Variants in FIP1L1 observed in about 807,000 individuals in gnomAD.
The protein encoded by FIP1L1 is pre-mRNA 3'-end-processing factor FIP1.
Under a neutral mutation model 84.6 loss-of-function variants are expected in FIP1L1, and 21 were observed. The ratio of observed to expected loss-of-function variants is 0.25; its 90% CI spans 0.18 to 0.36. The LOEUF is 0.36. Among genes scored for constraint, FIP1L1 ranks in the 10% least tolerant of loss-of-function variants. The pLI is 1.00. For synonymous variants in FIP1L1, 263 were observed against 242.3 expected, an observed-to-expected ratio of 1.09 and a Z score of -0.80; for missense variants, 526 against 751.1, an observed-to-expected ratio of 0.70 and a Z score of 3.50.
Position 53,389,842 on chromosome 4 carries a change from C to T in FIP1L1, c.366C>T (p.Ile122=), listed in dbSNP as rs1444371436. ...SYGTAPVNLN[I]KTGGRVYGTT... ...GTACAGCACCTGTAAATCTTAACAT[C>T]AAGACAGGGGGAAGAGTTTATGGAA... Residue 122 remains isoleucine (I), a synonymous_variant, in exon 6 of 18, where the codon ATC becomes ATT. Coordinates refer to ENST00000337488, the MANE Select transcript of FIP1L1 (RefSeq NM_030917.4). 1 of 1,600,290 alleles carries T rather than the reference C, an allele frequency of 6.2e-7. No individual in the cohort carries two copies. The highest frequency in any genetic ancestry group is 1.4e-5 in the African/African-American group (1 of 73,612).
At chr4:53,452,287 C>T (rs534873334) in intron 15 of FIP1L1, among the ~76,000 whole-genome samples, 2 of 151,456 alleles carry the variant, frequency 1.3e-5, no homozygotes, top group Non-Finnish European at 2.9e-5. Context: ...TTGTTGAGTA[C>T]ACTTTTCTAG....
At chr4:53,430,907 C>T (rs1218205164) in intron 13 of FIP1L1, among the ~76,000 whole-genome samples, 8 of 152,182 alleles carry the variant, frequency 5.3e-5, no homozygotes, top group African/African-American at 1.7e-4. Flanking sequence ...CAGTACCTAA[C>T]TGGTATATGT....
At chr4:53,443,883 A>T (rs1322570817) in intron 14 of FIP1L1, among the ~76,000 whole-genome samples, 165 bp from the exon 15 acceptor site, 2 of 149,962 alleles carry the variant, frequency 1.3e-5, no homozygotes, top group East Asian at 3.9e-4. Flanking sequence ...TTTTTAGGTT[A>T]AAAAAAACCC....
intron 10 of FIP1L1, among the ~76,000 whole-genome samples, chr4:53,407,938 CTCTT>C (rs1364506932): frequency 6.6e-6 from 1 of 152,176 alleles, no homozygotes; most frequent in Non-Finnish European, 1.5e-5. Flanking sequence ...TGGGTCTTGA[CTCTT>C]TATCCAATTT....
intron 14 of FIP1L1, among the ~76,000 whole-genome samples, chr4:53,443,165 A>G (rs1380780251): frequency 6.6e-6 from 1 of 152,270 alleles, no homozygotes; most frequent in Middle Eastern, 3.4e-3. Context: ...TCTGTGTGGC[A>G]GTAGCCTTAT....
chr4:53,417,759 ACACACTCTCTCTCT>A (rs1207205465), intron 11 of FIP1L1, among the ~76,000 whole-genome samples: 72 of 54,148 alleles, frequency 1.3e-3, no homozygotes, highest in Middle Eastern at 8.8e-3. Flanking sequence ...ACACACACAC[ACACACTCTCTCTCT>A]CTCTCTCTCT....
At chr4:53,407,052 T>C (rs955144965) in intron 10 of FIP1L1, among the ~76,000 whole-genome samples, 6 of 152,190 alleles carry the variant, frequency 3.9e-5, no homozygotes, top group South Asian at 4.1e-4. Flanking sequence ...CTTCTGCTAG[T>C]TTTTGAATGT....
chr4:53,384,028 T>A, intron 5 of FIP1L1, 152 bp downstream of exon 5: 1 of 715,858 alleles, frequency 1.4e-6, no homozygotes, highest in Non-Finnish European at 2.2e-6. Flanking sequence ...TGAATATACT[T>A]CTTTGCTAAA....
In FIP1L1 at chr4:53,414,497, C is replaced by T. The variant is rs945851620; in HGVS notation, c.816-118C>T. ...TAGTTTATATGACTTGAGAATGATA[C>T]TGTAGGAACATACTAAAAGACTTTA... On this transcript the variant is annotated intron_variant, in intron 10 of 17. Coordinates refer to ENST00000337488, the MANE Select transcript of FIP1L1 (RefSeq NM_030917.4). The T allele has an allele frequency of 8.2e-6, 5 of 610,436 alleles. No individual in the cohort carries two copies. In the Admixed American group the frequency reaches 1.5e-4, roughly 19 times the overall value. The allele number at this position is 610,436 out of a possible 1,614,324, so 37.8% of individuals were successfully genotyped here. A position where few individuals can be genotyped will look rare whatever the true frequency, so the allele number is the denominator to read the frequency against.
chr4:53,388,307 C>G (rs1405803981), intron 5 of FIP1L1, among the ~76,000 whole-genome samples: 2 of 151,188 alleles, frequency 1.3e-5, no homozygotes, highest in African/African-American at 4.9e-5. Context: ...AGAAATATAT[C>G]ATTATAAACA....
intron 1 of FIP1L1, 107 bp downstream of exon 1, chr4:53,378,030 T>C (rs1735508782): frequency 9.7e-7 from 1 of 1,032,714 alleles, no homozygotes; most frequent in Non-Finnish European, 1.4e-6. Flanking sequence ...GGGCCTCTGG[T>C]TGGGAGTCCT....
intron 11 of FIP1L1, among the ~76,000 whole-genome samples, chr4:53,417,469 C>T (rs1349680603): frequency 6.6e-6 from 1 of 151,676 alleles, no homozygotes; most frequent in African/African-American, 2.4e-5. Flanking sequence ...TGGAGAAACC[C>T]CGTCTCTACT....
chr4:53,405,772 T>C (rs1753045553), intron 10 of FIP1L1, among the ~76,000 whole-genome samples: 1 of 150,710 alleles, frequency 6.6e-6, no homozygotes, highest in Non-Finnish European at 1.5e-5. Context: ...TTGTAGCAAT[T>C]GTGAATGGGA....
intron 16 of FIP1L1, 68 bp downstream of exon 16, chr4:53,453,201 A>G: frequency 6.4e-7 from 1 of 1,574,250 alleles, no homozygotes; most frequent in Non-Finnish European, 8.7e-7. Context: ...TTTCGTTATG[A>G]GGAAGTGAAT....
chr4:53,393,575 A>G (rs1224918478), intron 9 of FIP1L1, among the ~76,000 whole-genome samples: 3 of 151,234 alleles, frequency 2.0e-5, no homozygotes, highest in Admixed American at 1.3e-4. Flanking sequence ...AAGAAATTTA[A>G]TAGGTATAAA....
At chr4:53,427,776 G>T (rs1578801841) in intron 12 of FIP1L1, among the ~76,000 whole-genome samples, 2 of 152,042 alleles carry the variant, frequency 1.3e-5, no homozygotes, top group East Asian at 3.9e-4. Flanking sequence ...AGAAATTTTT[G>T]GTAATGATCC....
At chr4:53,399,902 C>A in intron 10 of FIP1L1, 63 bp downstream of exon 10, 2 of 1,110,278 alleles carry the variant, frequency 1.8e-6, no homozygotes, top group South Asian at 1.4e-5. Flanking sequence ...TGTATTTGTG[C>A]TATATTAAGT....
chr4:53,400,216 G>A (rs1749519707), intron 10 of FIP1L1, among the ~76,000 whole-genome samples: 1 of 152,094 alleles, frequency 6.6e-6, no homozygotes, highest in African/African-American at 2.4e-5. Flanking sequence ...TTGGCCTGAA[G>A]GTCTTTTGCT....
intron 10 of FIP1L1, among the ~76,000 whole-genome samples, chr4:53,409,366 AGAG>A (rs1258678784): frequency 3.9e-5 from 6 of 152,112 alleles, no homozygotes; most frequent in Admixed American, 2.6e-4. Context: ...GTTTTGCCTC[AGAG>A]GAGTACCTGG....
Sources: allele counts gnomAD v4.1 joint callset (sites outside exome capture counted in the v4.1 genomes callset), GRCh38; gene constraint gnomAD v4.1.1; transcripts MANE v1.5; gene names NCBI Gene and HGNC (gene_info 2026-07-23, HGNC 2026-07-21).